C3: variants seen among roughly 807,000 people sequenced by gnomAD.
The protein encoded by C3 is C3 and PZP-like alpha-2-macroglobulin domain-containing protein 1.
A neutral mutation model predicts 207.9 loss-of-function variants in C3; 97 were observed. That is an observed-to-expected ratio of 0.47 (90% CI 0.40 to 0.55). The LOEUF is 0.55. Among genes scored for constraint, C3 ranks in the 20% least tolerant of loss-of-function variants. The probability of loss-of-function intolerance (pLI) is 0.00; values close to 1 mark genes in which losing one functional copy is unlikely to be tolerated. For missense variants in C3, 1,684 were observed against 2,171.7 expected, an observed-to-expected ratio of 0.78 and a Z score of 4.46; for synonymous variants, 848 against 857.6, an observed-to-expected ratio of 0.99 and a Z score of 0.20.
chr19:6,680,035 C>T (rs1489178436), intron 36 of C3, 123 bp downstream of exon 36: 13 of 730,552 alleles, frequency 1.8e-5, no homozygotes, highest in Admixed American at 1.6e-4. Flanking sequence ...GACCTTCATA[C>T]TACGAATGCT....
At chr19:6,678,124 C>A in intron 40 of C3, 28 bp downstream of exon 40, 1 of 1,614,010 alleles carries the variant, frequency 6.2e-7, no homozygotes, top group Non-Finnish European at 8.5e-7. Flanking sequence ...GTCGGGCGGT[C>A]GCGCGCACGC....
In C3 at chr19:6,712,253, G is replaced by C; in HGVS notation, c.1269+4C>G. On this transcript the variant is annotated splice_donor_region_variant and intron_variant, in intron 11 of 40. Transcript: ENST00000245907. ...TGGGGTTCCGAGGCTGGGCCCAGAC[G>C]CACCGTGATGCTCAAGGGCTTCTGG... The C allele has an allele frequency of 6.2e-7, 1 of 1,613,474 alleles. No individual in the cohort carries two copies. Among genetic ancestry groups the C allele is most frequent in the Non-Finnish European group, 8.5e-7 (1 of 1,179,988 alleles).
chr19:6,717,561 TGTGTTGTGTTTTGTG>T (rs1968058619), intron 4 of C3: 2 of 252,996 alleles, frequency 7.9e-6, no homozygotes, highest in African/African-American at 2.3e-5. Context: ...ATGTTGTGTG[TGTGTTGTGTTTTGTG>T]TGTGTTGTGT....
At chr19:6,717,427 TGTGTGC>T in intron 4 of C3, 2 of 171,622 alleles carry the variant, frequency 1.2e-5, no homozygotes, top group East Asian at 3.2e-4. Flanking sequence ...TGTGTGTGTG[TGTGTGC>T]GCGCCATATG....
chr19:6,678,577 C>A (rs948587050), intron 38 of C3, 122 bp from the exon 39 acceptor site: 11 of 757,578 alleles, frequency 1.5e-5, no homozygotes, highest in Middle Eastern at 3.5e-4. Context: ...AGAATCACAG[C>A]CAGTCACACT....
At position 6,686,095 on chromosome 19, in the gene C3, A is replaced by G. The variant is rs752757825; in HGVS notation, c.3810+29T>C. 50 of 1,612,290 alleles carry G rather than the reference A, an allele frequency of 3.1e-5. No homozygotes were observed. The Admixed American group carries it at 8.2e-4, about 26-fold the overall frequency. ...GGGAAGCCGCAGGAGACAGGGATGC[A>G]TGTGCCTAGGGGCTGTGGGCCCACT... is the stretch of plus-strand genomic sequence containing the variant. On this transcript the variant is annotated intron_variant, in intron 29 of 40. Transcript: ENST00000245907.
At chr19:6,710,576 G>A in intron 13 of C3, 63 bp downstream of exon 13, 1 of 759,696 alleles carries the variant, frequency 1.3e-6, no homozygotes, top group Non-Finnish European at 1.7e-6. Context: ...GAGACAGGGA[G>A]AGAGAGAGAG....
At position 6,690,707 on chromosome 19, in the gene C3, G is replaced by T; in HGVS notation, c.3411C>A (p.Asn1137Lys). 1 of 1,614,146 alleles carries T rather than the reference G, an allele frequency of 6.2e-7. No individual in the cohort carries two copies. The highest frequency in any genetic ancestry group is 2.2e-5 in the East Asian group (1 of 44,886). ...QEMIGGLRNN[N>K]EKDMALTAFV... is the part of the protein sequence containing the mutation. The stretch of plus-strand genomic sequence containing the variant: ...AGGCCGTGAGGGCCATGTCTTTCTC[G>T]TTGTTGTTCCGTAATCCACCCTGAG... Residue 1137 changes from asparagine (N) to lysine (K), a missense_variant, in exon 27 of 41, where the codon AAC becomes AAA. Physicochemically the swap from Asn to Lys is moderately conservative, Grantham distance 94. Around this residue, in one of 3 missense-constraint regions of C3, gnomAD observed 1,280 missense variants for 1,739.1 expected, o/e 0.74. Transcript: ENST00000245907.
In C3 at chr19:6,678,286, G is replaced by A. The variant is rs760015509; in HGVS notation, c.4716C>T (p.Gly1572=). The change falls in exon 40 of 41, where the codon GGC becomes GGT. Residue 1572 remains glycine, a splice_region_variant and synonymous_variant. Coordinates refer to ENST00000245907, the MANE Select transcript of C3 (RefSeq NM_000064.4). ...IMAIEQTIKS[G]SDEVQVGQQR... ...GCTGTCCAACCTGCACCTCATCCGA[G>A]CCTGGAGTGGAGGGGAGAGGGAAGA... 2.2e-5 allele frequency: 36 copies of A among 1,614,172 alleles called. No homozygotes were observed. The South Asian group carries it at 3.7e-4, about 17-fold the overall frequency.
intron 17 of C3, among the ~76,000 whole-genome samples, chr19:6,706,513 C>CCT (rs1967776384): frequency 6.6e-6 from 1 of 152,126 alleles, no homozygotes; most frequent in Admixed American, 6.5e-5. Flanking sequence ...CCTCTTCAGA[C>CCT]CTGGGTCTTC....
chr19:6,693,181 CAGTTTGCCT>C (rs1918208810), intron 25 of C3, 98 bp from the exon 26 acceptor site: 3 of 1,461,542 alleles, frequency 2.1e-6, no homozygotes, highest in Non-Finnish European at 2.9e-6. Flanking sequence ...GGGCCTGGCC[CAGTTTGCCT>C]GGTTTGCCTT....
chr19:6,717,821 T>A, intron 4 of C3: 1 of 579,672 alleles, frequency 1.7e-6, no homozygotes, highest in Non-Finnish European at 3.1e-6. Context: ...GTCGTGTATG[T>A]TGTGTGTTTG....
At position 6,693,414 on chromosome 19, in the gene C3, G is replaced by A. The variant is rs1357369056; in HGVS notation, c.3228C>T (p.Thr1076=). 2 of 1,609,816 alleles carry A rather than the reference G, an allele frequency of 1.2e-6. No homozygotes were observed. Among genetic ancestry groups the A allele is most frequent in the Admixed American group, 3.4e-5 (2 of 59,500 alleles). Residue 1076 remains threonine (T), a splice_region_variant and synonymous_variant, in exon 25 of 41, where the codon ACC becomes ACT. Transcript: ENST00000245907. ...FAAFVKRAPS[T]WLTAYVVKVF... is the part of the protein sequence containing the mutation. The stretch of plus-strand genomic sequence containing the variant: ...CTGAGCTGGCTGTTGGGACTCACCA[G>A]GTGCTGGGTGCCCGTTTCACGAAGG...
At position 6,693,086 on chromosome 19, in the gene C3, G is replaced by A. The variant is rs764626505; in HGVS notation, c.3231-3C>T. Reference sequence around the variant, plus strand: ...CCTTGACCACGTAGGCGGTCAGCCTGGAGTGGGCACAGAGCATGAGCCAAT... The same window carrying A: ...CCTTGACCACGTAGGCGGTCAGCCTAGAGTGGGCACAGAGCATGAGCCAAT... On this transcript the variant is annotated splice_region_variant and splice_polypyrimidine_tract_variant and intron_variant, in intron 25 of 40. Transcript: ENST00000245907. 6.8e-6 allele frequency: 11 copies of A among 1,613,934 alleles called. No individual in the cohort carries two copies. Among genetic ancestry groups the A allele is most frequent in the South Asian group, 1.1e-5 (1 of 91,078 alleles).
chr19:6,690,942 T>G (rs1165081234), intron 26 of C3, among the ~76,000 whole-genome samples: 2 of 152,106 alleles, frequency 1.3e-5, no homozygotes, highest in Non-Finnish European at 2.9e-5. Flanking sequence ...CAATGTACAA[T>G]GGGTACAACG....
chr19:6,685,218 A>T, intron 29 of C3, 72 bp from the exon 30 acceptor site: 1 of 1,425,026 alleles, frequency 7.0e-7, no homozygotes, highest in South Asian at 1.2e-5. Context: ...TGGGGGATAA[A>T]GAGGTTCAAA....
chr19:6,677,847 G>A lies in C3; in HGVS notation c.*35C>T. On this transcript the variant is annotated 3_prime_UTR_variant, in exon 41 of 41. Transcript: ENST00000245907. Reference sequence around the variant, plus strand: ...AACTCCAGACACGTGAGATATAACTGAAGCTTTATCTGGAGTGGGGGAATG... The same window carrying A: ...AACTCCAGACACGTGAGATATAACTAAAGCTTTATCTGGAGTGGGGGAATG... The A allele has an allele frequency of 2.5e-6, 4 of 1,612,904 alleles. No homozygotes were observed. Among genetic ancestry groups the A allele is most frequent in the Non-Finnish European group, 3.4e-6 (4 of 1,179,520 alleles).
intron 27 of C3, 30 bp from the exon 28 acceptor site, chr19:6,686,932 C>G: frequency 6.2e-7 from 1 of 1,612,244 alleles, no homozygotes; most frequent in Non-Finnish European, 8.5e-7. Context: ...ATTCTCCGGT[C>G]ATGTGGGCAT....
intron 21 of C3, among the ~76,000 whole-genome samples, chr19:6,697,077 A>AATT (rs869192593): frequency 0.1 from 5,057 of 48,972 alleles, 564 homozygotes; most frequent in African/African-American, 0.28. Flanking sequence ...AATAAATAAA[A>AATT]AATTTCAAAT....
Sources: allele counts gnomAD v4.1 joint callset (sites outside exome capture counted in the v4.1 genomes callset), GRCh38; gene constraint gnomAD v4.1.1; regional missense constraint gnomAD v4.1.1; transcripts MANE v1.5; gene names NCBI Gene and HGNC (gene_info 2026-07-23, HGNC 2026-07-21).